Variants in TOX3 observed in about 807,000 individuals in gnomAD.
The protein encoded by TOX3 is CAG trinucleotide repeat-containing gene F9 protein.
Under a neutral mutation model 64.3 loss-of-function variants are expected in TOX3, and 22 were observed. The observed-to-expected ratio is 0.34, with a 90% CI of 0.24 to 0.49. The LOEUF (loss-of-function observed/expected upper bound fraction) is 0.49. TOX3 is among the 20% of genes least tolerant of loss of function. TOX3 has a pLI of 0.99. For synonymous variants in TOX3, 291 were observed against 273.6 expected, an observed-to-expected ratio of 1.06 and a Z score of -0.63; for missense variants, 661 against 714.4, an observed-to-expected ratio of 0.93 and a Z score of 0.85.
chr16:52,459,965 T>C (rs1021958478), intron 3 of TOX3, among the ~76,000 whole-genome samples: 2 of 152,078 alleles, frequency 1.3e-5, no homozygotes, highest in Non-Finnish European at 2.9e-5. Flanking sequence ...TTTTGATAAA[T>C]TGCCATTTTT....
At chr16:52,512,200 A>G (rs1234706935) in intron 1 of TOX3, among the ~76,000 whole-genome samples, 1 of 152,234 alleles carries the variant, frequency 6.6e-6, no homozygotes, top group Non-Finnish European at 1.5e-5. Context: ...GTAAAGACAC[A>G]TAAATATTGG....
chr16:52,506,740 A>C (rs1487670907), intron 1 of TOX3, among the ~76,000 whole-genome samples: 1 of 152,192 alleles, frequency 6.6e-6, no homozygotes, highest in Admixed American at 6.5e-5. Flanking sequence ...CAACAATGAG[A>C]TATCACCTAT....
intron 1 of TOX3, 55 bp downstream of exon 1, chr16:52,546,582 G>T: frequency 6.7e-7 from 1 of 1,491,308 alleles, no homozygotes; most frequent in Middle Eastern, 2.1e-4. Flanking sequence ...CGCGGGGCGC[G>T]CCCAGGATGG....
intron 1 of TOX3, among the ~76,000 whole-genome samples, chr16:52,545,314 A>G (rs1963151097): frequency 6.6e-6 from 1 of 152,152 alleles, no homozygotes; most frequent in Non-Finnish European, 1.5e-5. Flanking sequence ...ATTTTTTGGG[A>G]GGCCCCTCTG....
At chr16:52,520,920 C>T (rs1008290198) in intron 1 of TOX3, among the ~76,000 whole-genome samples, 7 of 152,028 alleles carry the variant, frequency 4.6e-5, no homozygotes, top group African/African-American at 1.7e-4. Flanking sequence ...AATTAATATG[C>T]TTTTTTGTTA....
intron 1 of TOX3, among the ~76,000 whole-genome samples, chr16:52,470,991 T>C (rs571456253): frequency 6.6e-6 from 1 of 152,302 alleles, no homozygotes; most frequent in South Asian, 2.1e-4. Context: ...AAATATTGAC[T>C]TGTTGCAGGC....
At chr16:52,540,996 A>G (rs1427638704) in intron 1 of TOX3, among the ~76,000 whole-genome samples, 1 of 152,074 alleles carries the variant, frequency 6.6e-6, no homozygotes, top group East Asian at 1.9e-4. Flanking sequence ...ACTCTAACTG[A>G]TAAACTTAGA....
chr16:52,476,039 G>T (rs982854112), intron 1 of TOX3, among the ~76,000 whole-genome samples: 1 of 152,128 alleles, frequency 6.6e-6, no homozygotes, highest in Non-Finnish European at 1.5e-5. Context: ...TAGAGCACAG[G>T]CTGTTTTGTT....
At chr16:52,447,681 CT>C (rs1244071807) in intron 4 of TOX3, among the ~76,000 whole-genome samples, 1 of 152,146 alleles carries the variant, frequency 6.6e-6, no homozygotes, top group Non-Finnish European at 1.5e-5. Flanking sequence ...AGCCCATAGT[CT>C]TTTTTCTAAA....
In TOX3 at chr16:52,479,550, G is replaced by C. The variant is rs565072951; in HGVS notation, c.88-10976C>G. 1.3e-5 allele frequency among the ~76,000 whole-genome samples: 2 copies of C among 152,280 alleles called. 1 individual carries two copies. Among genetic ancestry groups the C allele is most frequent in the Admixed American group, 1.3e-4 (2 of 15,288 alleles). ...CTTCTCTTGTATTTGGCAAACTACT[G>C]GGCATCTCTTATAAAATGACAGCAA... On this transcript the variant is annotated intron_variant, in intron 1 of 6. Coordinates refer to ENST00000219746, the MANE Select transcript of TOX3 (RefSeq NM_001080430.4).
intron 1 of TOX3, among the ~76,000 whole-genome samples, chr16:52,473,118 G>A (rs1961096858): frequency 2.0e-5 from 3 of 152,132 alleles, no homozygotes; most frequent in African/African-American, 7.2e-5. Context: ...ACCATGTGAA[G>A]TGCCAAAGTA....
chr16:52,514,615 A>T (rs1160257197), intron 1 of TOX3, among the ~76,000 whole-genome samples: 1 of 152,210 alleles, frequency 6.6e-6, no homozygotes, highest in Non-Finnish European at 1.5e-5. Flanking sequence ...GAAGATCAGT[A>T]GGTCAAGAAT....
intron 1 of TOX3, among the ~76,000 whole-genome samples, chr16:52,540,950 C>T (rs1281680977): frequency 6.6e-6 from 1 of 152,154 alleles, no homozygotes. Flanking sequence ...TTTATGCCAC[C>T]ATTTGTTGAG....
intron 3 of TOX3, among the ~76,000 whole-genome samples, chr16:52,456,115 T>A (rs1257811367): frequency 6.6e-6 from 1 of 152,156 alleles, no homozygotes; most frequent in African/African-American, 2.4e-5. Flanking sequence ...GGCCATAAAG[T>A]GACAAGGTTT....
intron 2 of TOX3, among the ~76,000 whole-genome samples, chr16:52,464,802 T>C (rs557264037): frequency 6.6e-6 from 1 of 152,254 alleles, no homozygotes; most frequent in East Asian, 1.9e-4. Flanking sequence ...GCGCTTTTAT[T>C]TAAACTACAA....
At chr16:52,444,534 C>CACAT in intron 5 of TOX3, 178 bp from the exon 6 acceptor site, 1 of 436,118 alleles carries the variant, frequency 2.3e-6, no homozygotes, top group Non-Finnish European at 4.0e-6. Context: ...CACACACACA[C>CACAT]GGATATTAAA....
At chr16:52,493,106 A>G (rs182713979) in intron 1 of TOX3, among the ~76,000 whole-genome samples, 5 of 152,290 alleles carry the variant, frequency 3.3e-5, no homozygotes, top group Admixed American at 3.3e-4. Flanking sequence ...AAGACTATAC[A>G]GTCCTACAAA....
chr16:52,495,061 CT>C (rs1961804687), intron 1 of TOX3, among the ~76,000 whole-genome samples: 1 of 152,284 alleles, frequency 6.6e-6, no homozygotes, highest in East Asian at 1.9e-4. Flanking sequence ...TAGGTACGTT[CT>C]TTATAAGGTC....
At chr16:52,487,037 G>A (rs1596817857) in intron 1 of TOX3, among the ~76,000 whole-genome samples, 1 of 152,206 alleles carries the variant, frequency 6.6e-6, no homozygotes, top group African/African-American at 2.4e-5. Flanking sequence ...TATGCCCCTA[G>A]CATATAAATT....
Sources: allele counts gnomAD v4.1 joint callset (sites outside exome capture counted in the v4.1 genomes callset), GRCh38; gene constraint gnomAD v4.1.1; transcripts MANE v1.5; gene names NCBI Gene and HGNC (gene_info 2026-07-23, HGNC 2026-07-21).